The following TFCP2L1 variants were observed in gnomAD, a reference collection of about 807,000 sequenced individuals.
TFCP2L1 encodes transcription factor CP2 like 1, also known as transcription factor CP2-like protein 1.
A neutral mutation model predicts 72.2 loss-of-function variants in TFCP2L1; 12 were observed. That is an observed-to-expected ratio of 0.17 (90% CI 0.11 to 0.27). The LOEUF is 0.27. Ranked by LOEUF, TFCP2L1 falls within the 10% of genes least tolerant of loss-of-function variation. The pLI, the probability that TFCP2L1 is intolerant of heterozygous loss-of-function variation, is 1.00. For synonymous variants in TFCP2L1, 260 were observed against 251.0 expected (o/e 1.04, Z -0.34); for missense variants, 488 against 624.6 (o/e 0.78, Z 2.33).
intron 1 of TFCP2L1, among the ~76,000 whole-genome samples, chr2:121,282,241 T>C (rs1186717572): frequency 2.0e-5 from 3 of 151,248 alleles, no homozygotes; most frequent in Non-Finnish European, 4.4e-5. Flanking sequence ...CCCAGTCTAT[T>C]TTCTTATCCA....
chr2:121,274,008 C>T (rs948676102), intron 2 of TFCP2L1, among the ~76,000 whole-genome samples: 16 of 150,738 alleles, frequency 1.1e-4, no homozygotes, highest in African/African-American at 3.7e-4. Flanking sequence ...GCAGGAGAAT[C>T]GCTTGAACCC....
chr2:121,275,253 GGGCGCCTGTAGTCGC>G (rs139841070), intron 2 of TFCP2L1, among the ~76,000 whole-genome samples: 119,266 of 150,690 alleles, frequency 0.79, 47,537 homozygotes, highest in African/African-American at 0.88. Context: ...GCATGGCGGC[GGGCGCCTGTAGTCGC>G]GGCGCCTGTA....
chr2:121,225,694 C>T lies in TFCP2L1; in HGVS notation c.1342-81G>A, dbSNP rs192079336. On this transcript the variant is annotated intron_variant, in intron 13 of 14. Coordinates refer to ENST00000263707, the MANE Select transcript of TFCP2L1 (RefSeq NM_014553.3). ...GCCTCGGTGGCAGAGCCTAGCCATG[C>T]GCAGCTGCAGAAACACCACTGCCAA... The T allele has an allele frequency of 3.7e-4, 552 of 1,496,146 alleles. 1 individual carries two copies. The African/African-American group carries it at 5.6e-3, about 15-fold the overall frequency. 92.7% of individuals were successfully genotyped at this position (1,496,146 alleles called of 1,614,324 possible). A position where few individuals can be genotyped will look rare whatever the true frequency, so the allele number is the denominator to read the frequency against.
At chr2:121,233,878 C>G (rs1686192271) in intron 12 of TFCP2L1, among the ~76,000 whole-genome samples, 2 of 152,280 alleles carry the variant, frequency 1.3e-5, no homozygotes, top group Admixed American at 6.5e-5. Flanking sequence ...GGGGTGTGCA[C>G]TAAGGCAGCA....
intron 10 of TFCP2L1, among the ~76,000 whole-genome samples, chr2:121,237,119 T>G (rs1341609222): frequency 6.6e-6 from 1 of 151,286 alleles, no homozygotes; most frequent in African/African-American, 2.4e-5. Flanking sequence ...AGTTCACCTT[T>G]GCACTCCACA....
intron 12 of TFCP2L1, among the ~76,000 whole-genome samples, chr2:121,233,567 C>T (rs113967976): frequency 0.021 from 3,192 of 152,294 alleles, 129 homozygotes; most frequent in African/African-American, 0.071. Context: ...GCTGGAATTA[C>T]AGGTATGAAC....
At chr2:121,275,241 AGGC>A (rs927459741) in intron 2 of TFCP2L1, among the ~76,000 whole-genome samples, 3 of 151,680 alleles carry the variant, frequency 2.0e-5, no homozygotes, top group African/African-American at 7.3e-5. Flanking sequence ...ACTGTTAGCC[AGGC>A]ATGGCGGCGG....
chr2:121,234,042 G>T (rs1306230150), intron 12 of TFCP2L1, 49 bp downstream of exon 12: 10 of 1,548,808 alleles, frequency 6.5e-6, no homozygotes, highest in Non-Finnish European at 8.0e-6. Context: ...TTGAAAGCCA[G>T]GCTGCGGGAC....
intron 2 of TFCP2L1, among the ~76,000 whole-genome samples, chr2:121,265,488 T>G (rs1020882600): frequency 2.0e-5 from 3 of 149,772 alleles, no homozygotes; most frequent in Non-Finnish European, 3.0e-5. Flanking sequence ...CAATAAAGCT[T>G]TTTTTTTTTC....
At chr2:121,255,804 A>G (rs2580345) in intron 2 of TFCP2L1, among the ~76,000 whole-genome samples, 81,253 of 151,054 alleles carry the variant, frequency 0.54, 23,987 homozygotes, top group African/African-American at 0.78. Flanking sequence ...GTACAGCGGC[A>G]CGATCTCGGC....
chr2:121,224,567 G>C lies in TFCP2L1; in HGVS notation c.1394-180C>G, dbSNP rs141123079. Among the ~76,000 whole-genome samples, 478 of 152,334 alleles carry C rather than the reference G, an allele frequency of 3.1e-3. 3 individuals carry two copies. The highest frequency in any genetic ancestry group is 8.4e-3 in the African/African-American group (348 of 41,572). Reference sequence around the variant, plus strand: ...CATGCCCTGACATCTGCCTCGTTTAGTGTCTTTTTAACAATAGGTCTTTCT... The same window carrying C: ...CATGCCCTGACATCTGCCTCGTTTACTGTCTTTTTAACAATAGGTCTTTCT... On this transcript the variant is annotated intron_variant, in intron 14 of 14. Transcript: ENST00000263707.
At chr2:121,242,271 A>G in intron 7 of TFCP2L1, 88 bp downstream of exon 7, 1 of 1,160,228 alleles carries the variant, frequency 8.6e-7, no homozygotes, top group South Asian at 1.2e-5. Flanking sequence ...GTCACCCGAG[A>G]TGGGCGATTT....
At chr2:121,232,081 G>A (rs35847463) in intron 12 of TFCP2L1, 113 bp from the exon 13 acceptor site, 143,169 of 1,187,320 alleles carry the variant, frequency 0.12, 9,974 homozygotes, top group Non-Finnish European at 0.14. Context: ...CACCCAGGGC[G>A]GCGGGGCAGG....
intron 2 of TFCP2L1, among the ~76,000 whole-genome samples, chr2:121,261,115 A>G (rs1686823435): frequency 6.6e-6 from 1 of 152,232 alleles, no homozygotes; most frequent in African/African-American, 2.4e-5. Context: ...CAGAGCGCTC[A>G]CACAGAAGAA....
chr2:121,244,150 T>A (rs1237697241), intron 6 of TFCP2L1, among the ~76,000 whole-genome samples: 2 of 152,052 alleles, frequency 1.3e-5, no homozygotes, highest in African/African-American at 4.8e-5. Context: ...GCACAGAGGG[T>A]ACAAGCAAGG....
chr2:121,275,796 C>T (rs1687135134), intron 2 of TFCP2L1, among the ~76,000 whole-genome samples: 1 of 152,126 alleles, frequency 6.6e-6, no homozygotes, highest in South Asian at 2.1e-4. Flanking sequence ...GTCTAGAACT[C>T]CTGACCTCAG....
At chr2:121,282,560 C>T (rs1391846408) in intron 1 of TFCP2L1, among the ~76,000 whole-genome samples, 1 of 151,148 alleles carries the variant, frequency 6.6e-6, no homozygotes, top group East Asian at 1.9e-4. Flanking sequence ...AAAAACCCAG[C>T]ATTTTAAAAA....
At chr2:121,245,336 T>C (rs1686459500) in intron 6 of TFCP2L1, among the ~76,000 whole-genome samples, 2 of 152,114 alleles carry the variant, frequency 1.3e-5, no homozygotes, top group Non-Finnish European at 2.9e-5. Context: ...TTTAGCCCAG[T>C]GAGGACCATT....
chr2:121,230,333 G>A (rs141623411), intron 13 of TFCP2L1, among the ~76,000 whole-genome samples: 2,246 of 152,164 alleles, frequency 0.015, 70 homozygotes, highest in African/African-American at 0.051. Context: ...CACCATGCCC[G>A]GCTAATTTTG....
Sources: gnomAD v4.1 joint callset for allele counts (sites outside exome capture counted in the v4.1 genomes callset) on GRCh38, gnomAD v4.1.1 for gene constraint, MANE v1.5 for transcripts, NCBI Gene and HGNC (gene_info 2026-07-23, HGNC 2026-07-21) for gene names.